RPSA2: variants seen among roughly 807,000 people sequenced by gnomAD.
RPSA2 encodes the protein ribosomal protein SA 2.
chr19:23,867,848 A>T, the RPSA2 span, among the ~76,000 whole-genome samples: 1 of 130,234 alleles, frequency 7.7e-6, no homozygotes, highest in Admixed American at 7.6e-5. Context: ...AAAAAAAAAA[A>T]GGATTGGGAC....
chr19:23,849,275 T>C, the RPSA2 span, among the ~76,000 whole-genome samples: 1 of 152,158 alleles, frequency 6.6e-6, no homozygotes, highest in Non-Finnish European at 1.5e-5. Flanking sequence ...GCAGTGGCAA[T>C]GCCCGATGTT....
chr19:23,806,782 C>T, the RPSA2 span, among the ~76,000 whole-genome samples: 10 of 81,372 alleles, frequency 1.2e-4, no homozygotes, highest in Admixed American at 3.8e-4. Flanking sequence ...GAGACTGAGT[C>T]TCAAAAAAAA....
At chr19:23,779,569 A>G in the RPSA2 span, among the ~76,000 whole-genome samples, 1 of 152,198 alleles carries the variant, frequency 6.6e-6, no homozygotes, top group South Asian at 2.1e-4. Context: ...TCCTCCCTGA[A>G]CCCTGTCAGA....
the RPSA2 span, among the ~76,000 whole-genome samples, chr19:23,841,249 G>T: frequency 3.3e-5 from 5 of 152,168 alleles, no homozygotes; most frequent in African/African-American, 1.2e-4. Flanking sequence ...CAGATCACGA[G>T]GTCAGGAGAT....
the RPSA2 span, among the ~76,000 whole-genome samples, chr19:23,820,514 A>G: frequency 1.3e-5 from 2 of 152,116 alleles, no homozygotes; most frequent in African/African-American, 4.8e-5. Flanking sequence ...AGTGTGGAGC[A>G]GTCAATGCTG....
chr19:23,828,635 T>C, the RPSA2 span, among the ~76,000 whole-genome samples: 3 of 150,718 alleles, frequency 2.0e-5, no homozygotes, highest in Non-Finnish European at 2.9e-5. Context: ...AAATTTACTT[T>C]TAAAAAATTT....
chr19:23,800,039 T>C, the RPSA2 span, among the ~76,000 whole-genome samples: 4 of 148,500 alleles, frequency 2.7e-5, no homozygotes, highest in South Asian at 4.3e-4. Flanking sequence ...TTTTTTTTTT[T>C]TTTTTTTGAG....
At chr19:23,833,814 AG>A in the RPSA2 span, among the ~76,000 whole-genome samples, 3 of 152,120 alleles carry the variant, frequency 2.0e-5, no homozygotes, top group Admixed American at 6.6e-5. Context: ...AAATATAAAT[AG>A]GGTTGTAATA....
the RPSA2 span, chr19:23,818,033 GA>G: frequency 2.6e-5 from 4 of 152,186 alleles, no homozygotes; most frequent in Admixed American, 2.6e-4. Flanking sequence ...GAGGAGAGGG[GA>G]TAAGGACTAG....
the RPSA2 span, among the ~76,000 whole-genome samples, chr19:23,830,516 CAT>C: frequency 1.3e-5 from 2 of 152,144 alleles, no homozygotes; most frequent in Non-Finnish European, 2.9e-5. Context: ...TGGTTATATA[CAT>C]GTTTGTTATA....
At chr19:23,832,547 C>A in the RPSA2 span, 20 of 818,490 alleles carry the variant, frequency 2.4e-5, no homozygotes, top group East Asian at 5.8e-4. Flanking sequence ...TGAAAAGAAA[C>A]CCTACAAATG....
At chr19:23,832,364 G>C in the RPSA2 span, 1 of 490,878 alleles carries the variant, frequency 2.0e-6, no homozygotes. Flanking sequence ...GAACATAGGA[G>C]AGTCCATACT....
chr19:23,782,986 G>T, the RPSA2 span, among the ~76,000 whole-genome samples: 1 of 151,962 alleles, frequency 6.6e-6, no homozygotes, highest in Non-Finnish European at 1.5e-5. Flanking sequence ...TACTGCTTGG[G>T]GTGTGCTTAA....
the RPSA2 span, among the ~76,000 whole-genome samples, chr19:23,828,868 A>G: frequency 2.0e-5 from 3 of 151,790 alleles, no homozygotes; most frequent in Non-Finnish European, 2.9e-5. Flanking sequence ...TGTTCTAATT[A>G]TATTGCTTTC....
the RPSA2 span, among the ~76,000 whole-genome samples, chr19:23,829,672 A>G: frequency 6.6e-6 from 1 of 152,242 alleles, no homozygotes; most frequent in Admixed American, 6.5e-5. Context: ...AGATACAACA[A>G]TACATTTTAA....
At chr19:23,767,451 G>T in the RPSA2 span, among the ~76,000 whole-genome samples, 10 of 152,206 alleles carry the variant, frequency 6.6e-5, no homozygotes, top group South Asian at 2.1e-3. Context: ...GATGAGAAAA[G>T]GCAGAAATGA....
chr19:23,821,196 T>C, the RPSA2 span, among the ~76,000 whole-genome samples: 1 of 152,222 alleles, frequency 6.6e-6, no homozygotes, highest in East Asian at 1.9e-4. Flanking sequence ...GGTGGTTAGT[T>C]GCTGTCCTAG....
chr19:23,819,231 A>G, the RPSA2 span: 1 of 152,128 alleles, frequency 6.6e-6, no homozygotes, highest in Non-Finnish European at 1.5e-5. Context: ...TTCTGGGGTG[A>G]CTAGAACAGG....
the RPSA2 span, among the ~76,000 whole-genome samples, chr19:23,776,334 A>C: frequency 6.6e-6 from 1 of 152,128 alleles, no homozygotes; most frequent in African/African-American, 2.4e-5. Context: ...TGCTTTCCAC[A>C]TGGGGCATTT....
Sources: allele counts gnomAD v4.1 joint callset (sites outside exome capture counted in the v4.1 genomes callset), GRCh38; gene constraint gnomAD v4.1.1; transcripts MANE v1.5; gene names NCBI Gene and HGNC (gene_info 2026-07-23, HGNC 2026-07-21).